Variants in SLC6A9 observed in about 807,000 individuals in gnomAD.
SLC6A9 encodes sodium- and chloride-dependent glycine transporter 1.
SLC6A9 carries 31 observed loss-of-function variants against 70.9 expected under a neutral mutation model. The observed-to-expected ratio is 0.44, with a 90% confidence interval of 0.33 to 0.59. The LOEUF (loss-of-function observed/expected upper bound fraction) is 0.59, where lower values mean the gene tolerates loss of function less well. Ranked by LOEUF, SLC6A9 falls within the 20% of genes least tolerant of loss-of-function variation. The probability of loss-of-function intolerance (pLI) is 0.04; values close to 1 mark genes in which losing one functional copy is unlikely to be tolerated. For missense variants in SLC6A9, 631 were observed against 845.2 expected (o/e 0.75, Z 3.14); for synonymous variants, 310 against 341.3 (o/e 0.91, Z 1.01).
chr1:44,008,286 A>T (rs1317053960), intron 5 of SLC6A9, 67 bp downstream of exon 5: 3 of 1,523,560 alleles, frequency 2.0e-6, no homozygotes, highest in Non-Finnish European at 2.7e-6. Context: ...TTGTCTTCAG[A>T]TGGTTGCCCA....
rs115695479 is a variant in SLC6A9 at position 43,997,102 on chromosome 1, C to T, written c.*443G>A. 0.012 allele frequency: 2,339 copies of T among 192,456 alleles called. 18 individuals are homozygous for T. Among genetic ancestry groups the T allele is most frequent in the Middle Eastern group, 0.018 (9 of 502 alleles). The allele number at this position is 192,456 out of a possible 1,614,324, so 11.9% of individuals were successfully genotyped here. On this transcript the variant is annotated 3_prime_UTR_variant, in exon 14 of 14. Transcript: ENST00000372310. This position sits in a 1 kb window ranked among gnomAD's most constrained non-coding sequence, Gnocchi z 4.4. Reference sequence around the variant, plus strand: ...TGACAAGTAACACTGGGCAGTCCCCCAGCCCTTCATCCTGCCCCTAGGGAG... The same window carrying T: ...TGACAAGTAACACTGGGCAGTCCCCTAGCCCTTCATCCTGCCCCTAGGGAG...
At chr1:44,006,586 CA>C (rs34759206) in intron 5 of SLC6A9, among the ~76,000 whole-genome samples, 78 of 67,608 alleles carry the variant, frequency 1.2e-3, no homozygotes, top group Middle Eastern at 0.011. Context: ...GATTCTGTCT[CA>C]AAAAAAAAAA....
At position 44,011,708 on chromosome 1, in the gene SLC6A9, A is replaced by G. The variant is rs1473863379; in HGVS notation, c.31-826T>C. Reference sequence around the variant, plus strand: ...GTGGCAGGAAGAAGGATCTCTGAACAGGGAGAAGCGTCACCTGCAGGGGAG... The same window carrying G: ...GTGGCAGGAAGAAGGATCTCTGAACGGGGAGAAGCGTCACCTGCAGGGGAG... On this transcript the variant is annotated intron_variant, in intron 2 of 13. Coordinates refer to ENST00000372310, the MANE Select transcript of SLC6A9 (RefSeq NM_001024845.3). The G allele has an allele frequency of 1.9e-6, 3 of 1,613,964 alleles. No individual in the cohort carries two copies. The Admixed American group carries it at 5.0e-5, about 27-fold the overall frequency.
At chr1:44,012,498 G>A (rs1225936689) in intron 2 of SLC6A9, among the ~76,000 whole-genome samples, 1 of 152,252 alleles carries the variant, frequency 6.6e-6, no homozygotes, top group Non-Finnish European at 1.5e-5. Context: ...GCAAATCAGT[G>A]GCTGAACAAG....
rs1033471756 is a variant in SLC6A9, at chr1:44,024,139, G to A, written c.30+109C>T. ...AGGCCGGGGTCAGCTGGGCACTCAG[G>A]AGCCCTGGCAGTGCCGGCCTTCCTA... On this transcript the variant is annotated intron_variant, in intron 2 of 13. Coordinates refer to ENST00000372310, the MANE Select transcript of SLC6A9 (RefSeq NM_001024845.3). The A allele has an allele frequency of 3.5e-6, 4 of 1,137,902 alleles. No homozygotes were observed. The African/African-American group carries it at 6.1e-5, about 17-fold the overall frequency. 70.5% of individuals were successfully genotyped at this position (1,137,902 alleles called of 1,614,324 possible). A position where few individuals can be genotyped will look rare whatever the true frequency, so the allele number is the denominator to read the frequency against.
intron 2 of SLC6A9, among the ~76,000 whole-genome samples, chr1:44,015,032 C>G (rs1199985649): frequency 6.6e-6 from 1 of 152,166 alleles, no homozygotes; most frequent in African/African-American, 2.4e-5. Flanking sequence ...TTCTGACTTT[C>G]CCCTGTACAT....
intron 10 of SLC6A9, 30 bp downstream of exon 10, chr1:44,001,134 G>A (rs2086084596): frequency 1.2e-6 from 2 of 1,614,094 alleles, no homozygotes; most frequent in Non-Finnish European, 1.7e-6. Context: ...TGGCAACTCT[G>A]GGCCAGCCCT....
At chr1:44,009,893 C>T (rs769520931) in intron 4 of SLC6A9, 72 bp downstream of exon 4, 30 of 1,552,200 alleles carry the variant, frequency 1.9e-5, no homozygotes, top group Non-Finnish European at 2.5e-5. Context: ...TACAGATGGG[C>T]GAGTTGGCAC....
chr1:44,013,958 C>G lies in SLC6A9; in HGVS notation c.31-3076G>C, dbSNP rs569559446. 1.3e-5 allele frequency among the ~76,000 whole-genome samples: 2 copies of G among 152,046 alleles called. No homozygotes were observed. The highest frequency in any genetic ancestry group is 2.9e-5 in the Non-Finnish European group (2 of 68,008). ...AGTTTTTCTTGATCTGCTGGGTGGA[C>G]GGCTGTGTCACTGATATGAACTGTC... On this transcript the variant is annotated intron_variant, in intron 2 of 13. Transcript: ENST00000372310. This position sits in a 1 kb window ranked among gnomAD's most constrained non-coding sequence, Gnocchi z 5.3.
intron 1 of SLC6A9, among the ~76,000 whole-genome samples, chr1:44,029,696 G>T (rs143232218): frequency 6.6e-6 from 1 of 152,308 alleles, no homozygotes; most frequent in East Asian, 1.9e-4. Context: ...TTCTACCAGG[G>T]CAGAGGCGTG....
intron 1 of SLC6A9, among the ~76,000 whole-genome samples, chr1:44,026,586 G>A (rs928405103): frequency 6.7e-6 from 1 of 150,094 alleles, no homozygotes; most frequent in African/African-American, 2.5e-5. Context: ...TTGAATCTGG[G>A]AGGCAGAGAT....
In SLC6A9 at chr1:44,002,756, T is replaced by G; in HGVS notation, c.723+97A>C. The G allele has an allele frequency of 6.3e-7, 1 of 1,590,738 alleles. No individual in the cohort carries two copies. Among genetic ancestry groups the G allele is most frequent in the Non-Finnish European group, 8.6e-7 (1 of 1,161,690 alleles). On this transcript the variant is annotated intron_variant, in intron 6 of 13. Transcript: ENST00000372310. This position sits in a 1 kb window ranked among gnomAD's most constrained non-coding sequence, Gnocchi z 5.5. ...CCCTGGTCCCTCTCCGGCTCCGGAG[T>G]CCCTTCAGCATCCCCTCCCTGCAAT...
intron 2 of SLC6A9, chr1:44,017,129 C>T (rs778905514): frequency 1.2e-6 from 2 of 1,607,756 alleles, no homozygotes; most frequent in Admixed American, 1.7e-5. Context: ...GTCTCCGCCG[C>T]TCATTCACAC....
intron 1 of SLC6A9, among the ~76,000 whole-genome samples, chr1:44,025,086 A>G (rs1248427081): frequency 2.0e-5 from 3 of 152,224 alleles, no homozygotes; most frequent in Non-Finnish European, 4.4e-5. Context: ...TTATTTGCTT[A>G]TAAGTTCGTC....
rs201040295 is a variant in SLC6A9 at position 44,001,067 on chromosome 1, C to T, written c.1336-12G>A. ...CAATAGATGCCTGCCTGGGGAACAG[C>T]GGGCAGCTGTGGGAGGCGCCTGCAG... On this transcript the variant is annotated splice_polypyrimidine_tract_variant and intron_variant, in intron 10 of 13. Transcript: ENST00000372310. 19 of 1,593,234 alleles carry T rather than the reference C, an allele frequency of 1.2e-5. No homozygotes were observed. Among genetic ancestry groups the T allele is most frequent in the Middle Eastern group, 1.7e-4 (1 of 5,974 alleles).
chr1:44,015,224 C>T (rs934873833), intron 2 of SLC6A9, among the ~76,000 whole-genome samples: 1 of 152,246 alleles, frequency 6.6e-6, no homozygotes, highest in African/African-American at 2.4e-5. Context: ...AGGATGCACT[C>T]CTGCCTTTTG....
intron 12 of SLC6A9, among the ~76,000 whole-genome samples, chr1:44,000,501 C>T (rs1196941201): frequency 6.6e-6 from 1 of 152,242 alleles, no homozygotes; most frequent in Non-Finnish European, 1.5e-5. Flanking sequence ...CCGGGGGTGC[C>T]AGGCAGGAAT....
At chr1:44,031,088 C>T (rs1396247889) in intron 1 of SLC6A9, among the ~76,000 whole-genome samples, 1 of 151,848 alleles carries the variant, frequency 6.6e-6, no homozygotes, top group Non-Finnish European at 1.5e-5. Context: ...GCGCACCTAC[C>T]CCGATCTTTG....
chr1:44,023,268 G>C (rs552347576), intron 2 of SLC6A9, among the ~76,000 whole-genome samples: 5 of 152,246 alleles, frequency 3.3e-5, no homozygotes, highest in African/African-American at 1.2e-4. Flanking sequence ...ATTGCCTCTG[G>C]GACAGGATTT....
Sources: gnomAD v4.1 joint callset for allele counts (sites outside exome capture counted in the v4.1 genomes callset) on GRCh38, gnomAD v4.1.1 for gene constraint, Gnocchi (gnomAD v3.1) non-coding constraint, MANE v1.5 for transcripts, NCBI Gene and HGNC (gene_info 2026-07-23, HGNC 2026-07-21) for gene names.